The following IPO5 variants were observed in gnomAD, a reference collection of about 807,000 sequenced individuals.
IPO5 encodes importin 5, also known as importin-5.
A neutral mutation model predicts 143.3 loss-of-function variants in IPO5; 18 were observed. The observed-to-expected ratio is 0.13, with a 90% CI of 0.09 to 0.19. The LOEUF is 0.19. Among genes scored for constraint, IPO5 ranks in the 10% least tolerant of loss-of-function variants. IPO5 has a pLI of 1.00. For missense variants in IPO5, 1,013 were observed against 1,336.9 expected, an observed-to-expected ratio of 0.76 and a Z score of 3.78; for synonymous variants, 477 against 465.7, an observed-to-expected ratio of 1.02 and a Z score of -0.31.
At chr13:97,998,460 A>G (rs1426134676) in intron 12 of IPO5, among the ~76,000 whole-genome samples, 3 of 152,240 alleles carry the variant, frequency 2.0e-5, no homozygotes, top group Non-Finnish European at 4.4e-5. Flanking sequence ...AATACACATC[A>G]TATTTTCCTA....
chr13:98,022,542 T>C lies in IPO5; in HGVS notation c.*720T>C, dbSNP rs1432819383. On this transcript the variant is annotated 3_prime_UTR_variant, in exon 29 of 29. Transcript: ENST00000651721. ...TTGGATTCATTTCATGTTTTTAATA[T>C]AAGAATGATCTAATATTTTTTTAAA... 2 of 152,476 alleles carry C rather than the reference T, an allele frequency of 1.3e-5. No individual in the cohort carries two copies. The highest frequency in any genetic ancestry group is 2.9e-5 in the Non-Finnish European group (2 of 68,038). 9.4% of individuals were successfully genotyped at this position (152,476 alleles called of 1,614,324 possible).
At chr13:97,968,942 G>T (rs1338447024) in intron 2 of IPO5, among the ~76,000 whole-genome samples, 1 of 151,516 alleles carries the variant, frequency 6.6e-6, no homozygotes, top group Non-Finnish European at 1.5e-5. Context: ...ACCCACCCTG[G>T]CCTCCCAAAG....
intron 3 of IPO5, among the ~76,000 whole-genome samples, chr13:97,972,231 T>C (rs1885883100): frequency 6.6e-6 from 1 of 152,212 alleles, no homozygotes. Context: ...TTCAGCACTC[T>C]GCAAACCAGA....
chr13:97,991,140 G>C (rs1265277603), intron 9 of IPO5, among the ~76,000 whole-genome samples: 1 of 151,876 alleles, frequency 6.6e-6, no homozygotes, highest in African/African-American at 2.4e-5. Flanking sequence ...CTTTTTTATG[G>C]CAATCTTTTA....
chr13:97,979,974 G>A (rs770867509), intron 4 of IPO5: 1 of 456,690 alleles, frequency 2.2e-6, no homozygotes, highest in South Asian at 1.5e-5. Flanking sequence ...TATGGAATGA[G>A]ATGAGTACAT....
chr13:97,990,938 C>T (rs1234784488), intron 9 of IPO5, among the ~76,000 whole-genome samples: 1 of 152,084 alleles, frequency 6.6e-6, no homozygotes, highest in African/African-American at 2.4e-5. Flanking sequence ...GGTTAATTCA[C>T]ATTATCGTTA....
At chr13:98,016,092 A>G (rs1890105253) in intron 24 of IPO5, among the ~76,000 whole-genome samples, 7 of 152,234 alleles carry the variant, frequency 4.6e-5, no homozygotes, top group Admixed American at 3.9e-4. Context: ...ATTAAAGATG[A>G]GTAACCTAAA....
chr13:98,019,871 C>T, intron 27 of IPO5, 62 bp downstream of exon 27: 2 of 1,109,812 alleles, frequency 1.8e-6, no homozygotes, highest in Admixed American at 3.4e-5. Context: ...GTTTTTCTTG[C>T]CTAACATCAG....
At chr13:97,956,547 C>T (rs1427825672) in intron 2 of IPO5, among the ~76,000 whole-genome samples, 1 of 152,148 alleles carries the variant, frequency 6.6e-6, no homozygotes, top group African/African-American at 2.4e-5. Context: ...TACCCCATCA[C>T]CTCTAGCTCT....
At chr13:97,969,927 G>C (rs937074758) in intron 3 of IPO5, 97 bp downstream of exon 3, 2 of 883,492 alleles carry the variant, frequency 2.3e-6, no homozygotes, top group African/African-American at 3.5e-5. Flanking sequence ...TCGAACTCCT[G>C]GTCTCAGGCA....
intron 2 of IPO5, among the ~76,000 whole-genome samples, chr13:97,965,732 C>G (rs534327667): frequency 2.7e-5 from 4 of 149,252 alleles, no homozygotes; most frequent in African/African-American, 7.5e-5. Context: ...CCTTGCTGAA[C>G]TTGTTTTGTT....
At chr13:98,010,780 C>CGTTTTTTTTTTTTTTT (rs1889639079) in intron 20 of IPO5, among the ~76,000 whole-genome samples, 1 of 70,032 alleles carries the variant, frequency 1.4e-5, no homozygotes, top group African/African-American at 9.5e-5. Flanking sequence ...AAGGATAATC[C>CGTTTTTTTTTTTTTTT]TTTTTTTTTT....
Position 97,979,037 on chromosome 13 carries a change from T to C in IPO5, c.90+2251T>C, listed in dbSNP as rs1056869692. On this transcript the variant is annotated intron_variant, in intron 4 of 28. Coordinates refer to ENST00000651721, the MANE Select transcript of IPO5 (RefSeq NM_002271.6). ...GTACTGTGATACAGAATTTTCTAAT[T>C]TGACCTCCAAAAAAGTAAATGTTAA... 2.0e-5 allele frequency among the ~76,000 whole-genome samples: 3 copies of C among 152,198 alleles called. 1 individual carries two copies. Among genetic ancestry groups the C allele is most frequent in the Admixed American group, 2.0e-4 (3 of 15,276 alleles).
intron 16 of IPO5, among the ~76,000 whole-genome samples, chr13:98,003,742 G>A (rs1159308156): frequency 6.6e-6 from 1 of 151,966 alleles, no homozygotes; most frequent in African/African-American, 2.4e-5. Context: ...CCAGCTACTC[G>A]GGAGGCTAAG....
intron 13 of IPO5, chr13:98,002,226 A>G: frequency 3.8e-6 from 1 of 261,024 alleles, no homozygotes; most frequent in Non-Finnish European, 7.1e-6. Context: ...CACGTTAACC[A>G]GGATGGTCTC....
At chr13:98,011,403 G>A (rs922763508) in intron 20 of IPO5, among the ~76,000 whole-genome samples, 2 of 152,136 alleles carry the variant, frequency 1.3e-5, no homozygotes, top group African/African-American at 2.4e-5. Flanking sequence ...TGATTCTCCT[G>A]CCTTAACCTC....
chr13:98,021,215 C>A, intron 28 of IPO5, 82 bp downstream of exon 28: 2 of 1,232,434 alleles, frequency 1.6e-6, no homozygotes, highest in South Asian at 1.6e-5. Context: ...AACTAGAAAT[C>A]TAATGAGCTA....
At chr13:98,002,371 C>A in intron 13 of IPO5, 96 bp from the exon 14 acceptor site, 1 of 1,259,832 alleles carries the variant, frequency 7.9e-7, no homozygotes, top group Admixed American at 2.3e-5. Flanking sequence ...AGTTTTGTTA[C>A]TCTTTTCCAA....
In IPO5 at chr13:97,993,016, TA is replaced by T. The variant is rs752553301; in HGVS notation, c.792+5del. 6 of 1,612,796 alleles carry T rather than the reference TA, an allele frequency of 3.7e-6. No individual in the cohort carries two copies. The Admixed American group carries it at 1.0e-4, about 27-fold the overall frequency. On this transcript the variant is annotated splice_donor_region_variant and intron_variant, in intron 10 of 28. Transcript: ENST00000651721. ...GCAACTCTACAGCTAAGTCTAAAGG[TA>T]AATTAAGTACGTTAGTAAACGTTCT...
Sources: allele counts gnomAD v4.1 joint callset (sites outside exome capture counted in the v4.1 genomes callset), GRCh38; gene constraint gnomAD v4.1.1; transcripts MANE v1.5; gene names NCBI Gene and HGNC (gene_info 2026-07-23, HGNC 2026-07-21).